The following GNAL variants were observed in gnomAD, a reference collection of about 807,000 sequenced individuals.
GNAL encodes the protein G protein subunit alpha L, also known as guanine nucleotide-binding protein G(olf) subunit alpha.
In GNAL, 18 loss-of-function variants were observed where a neutral mutation model predicts 55.1. The observed-to-expected ratio is 0.33, with a 90% confidence interval of 0.23 to 0.48. GNAL has a LOEUF of 0.48. GNAL is among the 20% of genes least tolerant of loss of function. GNAL has a pLI of 0.99. For missense variants in GNAL, 412 were observed against 614.1 expected, an observed-to-expected ratio of 0.67 and a Z score of 3.48; for synonymous variants, 253 against 237.0, an observed-to-expected ratio of 1.07 and a Z score of -0.62.
At chr18:11,707,647 C>T (rs2031744519) in intron 1 of GNAL, among the ~76,000 whole-genome samples, 1 of 152,194 alleles carries the variant, frequency 6.6e-6, no homozygotes, top group Non-Finnish European at 1.5e-5. Flanking sequence ...AGAAGTCAGC[C>T]TGTCCTTTGA....
At chr18:11,723,901 T>G (rs759339904) in intron 1 of GNAL, among the ~76,000 whole-genome samples, 2 of 152,060 alleles carry the variant, frequency 1.3e-5, no homozygotes, top group African/African-American at 4.8e-5. Flanking sequence ...AGAATTCCCT[T>G]CTCTTCTGAG....
At chr18:11,703,759 G>A (rs940989654) in intron 1 of GNAL, among the ~76,000 whole-genome samples, 1 of 151,354 alleles carries the variant, frequency 6.6e-6, no homozygotes, top group Non-Finnish European at 1.5e-5. Context: ...ACAATAATGA[G>A]CTTGGAACAG....
intron 4 of GNAL, among the ~76,000 whole-genome samples, chr18:11,815,207 A>G (rs1217300133): frequency 6.6e-6 from 1 of 152,210 alleles, no homozygotes; most frequent in East Asian, 1.9e-4. Context: ...TACTATGTAT[A>G]TACTCATTGA....
At chr18:11,876,297 C>T (rs1018648708) in intron 10 of GNAL, among the ~76,000 whole-genome samples, 1 of 152,146 alleles carries the variant, frequency 6.6e-6, no homozygotes, top group Non-Finnish European at 1.5e-5. Flanking sequence ...CATGGTGAAA[C>T]CCTGTCTCTA....
At chr18:11,702,992 C>T (rs1486315091) in intron 1 of GNAL, among the ~76,000 whole-genome samples, 3 of 152,040 alleles carry the variant, frequency 2.0e-5, no homozygotes, top group Non-Finnish European at 4.4e-5. Context: ...GTGGCACGAG[C>T]CTGTAATCCC....
rs1189725789 is a variant in GNAL at position 11,704,197 on chromosome 18, A to G, written c.376+14258A>G. Among the ~76,000 whole-genome samples the G allele has an allele frequency of 2.0e-5, 3 of 152,296 alleles. No homozygotes were observed. The East Asian group carries it at 5.8e-4, about 29-fold the overall frequency. On this transcript the variant is annotated intron_variant, in intron 1 of 11. Coordinates refer to ENST00000334049, the MANE Select transcript of GNAL (RefSeq NM_182978.4). Reference sequence around the variant, plus strand: ...ACAGCCTTCTGCACTCCCTGATCACACAGTGGGTCACACCCTAGACCCGTG... The same window carrying G: ...ACAGCCTTCTGCACTCCCTGATCACGCAGTGGGTCACACCCTAGACCCGTG...
intron 4 of GNAL, among the ~76,000 whole-genome samples, chr18:11,817,584 T>C (rs1284160132): frequency 6.6e-6 from 1 of 152,172 alleles, no homozygotes; most frequent in Non-Finnish European, 1.5e-5. Context: ...TGGCTTGTTT[T>C]CGTGTAGTTT....
intron 10 of GNAL, 27 bp downstream of exon 10, chr18:11,872,425 A>T: frequency 7.0e-7 from 1 of 1,428,052 alleles, no homozygotes. Context: ...CATTCTTATG[A>T]TTGAGGAATA....
chr18:11,752,587 G>T lies in GNAL; in HGVS notation c.377-266G>T, dbSNP rs746617531. On this transcript the variant is annotated intron_variant, in intron 1 of 11. Transcript: ENST00000334049. The surrounding 1 kb of genome is among the most constrained non-coding windows in gnomAD (Gnocchi z 4.5). ...CCGCCTGCTGCTCCTGGGTAAGGCC[G>T]AGGGGCGCGCGGCGGCTCCCGGCCC... 7.6e-6 allele frequency: 12 copies of T among 1,588,818 alleles called. No individual in the cohort carries two copies. The highest frequency in any genetic ancestry group is 1.0e-5 in the Non-Finnish European group (12 of 1,171,118).
rs190730908 is a variant in GNAL at position 11,775,518 on chromosome 18, G to A, written c.624+21573G>A. On this transcript the variant is annotated intron_variant, in intron 4 of 11. Coordinates refer to ENST00000334049, the MANE Select transcript of GNAL (RefSeq NM_182978.4). The stretch of plus-strand genomic sequence containing the variant: ...ATGTGCAGCAGGGCTGGGACTTGGC[G>A]CCAGGGCCTACACTCTGAGCCACAA... Among the ~76,000 whole-genome samples the A allele has an allele frequency of 3.3e-5, 5 of 152,306 alleles. No homozygotes were observed. The East Asian group carries it at 9.7e-4, about 29-fold the overall frequency.
chr18:11,852,691 A>G (rs916964680), intron 5 of GNAL: 1 of 165,668 alleles, frequency 6.0e-6, no homozygotes, highest in African/African-American at 2.4e-5. Flanking sequence ...ATGTGGTCCT[A>G]TAATTTATAC....
At chr18:11,758,710 C>T (rs2033143026) in intron 4 of GNAL, among the ~76,000 whole-genome samples, 1 of 152,188 alleles carries the variant, frequency 6.6e-6, no homozygotes, top group Non-Finnish European at 1.5e-5. Flanking sequence ...ACACCCAAAG[C>T]TTCAGGTTAT....
At chr18:11,778,212 T>C (rs2033836393) in intron 4 of GNAL, among the ~76,000 whole-genome samples, 1 of 152,318 alleles carries the variant, frequency 6.6e-6, no homozygotes, top group East Asian at 1.9e-4. Context: ...AGTTTTTCAT[T>C]TGACCACTAG....
At chr18:11,772,165 T>C (rs562011744) in intron 4 of GNAL, among the ~76,000 whole-genome samples, 30 of 152,302 alleles carry the variant, frequency 2.0e-4, no homozygotes, top group African/African-American at 6.5e-4. Flanking sequence ...TTTTATGGTA[T>C]GAATACAGTA....
intron 1 of GNAL, among the ~76,000 whole-genome samples, chr18:11,701,618 A>G (rs542280191): frequency 6.6e-6 from 1 of 151,450 alleles, no homozygotes; most frequent in South Asian, 2.1e-4. Context: ...GCAAACTATG[A>G]GCAGAAGCAG....
intron 5 of GNAL, among the ~76,000 whole-genome samples, chr18:11,826,627 G>T (rs2035254421): frequency 6.6e-6 from 1 of 152,284 alleles, no homozygotes; most frequent in South Asian, 2.1e-4. Flanking sequence ...GCAGGTGAGT[G>T]CTGGAAACTG....
At chr18:11,865,715 A>AT (rs2036248128) in intron 7 of GNAL, among the ~76,000 whole-genome samples, 1 of 141,584 alleles carries the variant, frequency 7.1e-6, no homozygotes, top group Non-Finnish European at 1.5e-5. Context: ...TGATTAGGCC[A>AT]TTTCACTCCA....
intron 4 of GNAL, among the ~76,000 whole-genome samples, chr18:11,782,323 A>AAAAAAG (rs374005690): frequency 6.6e-6 from 1 of 152,202 alleles, no homozygotes; most frequent in African/African-American, 2.4e-5. Flanking sequence ...TCTCAAAAGA[A>AAAAAAG]AAAAAGAAAA....
intron 10 of GNAL, 129 bp from the exon 11 acceptor site, chr18:11,876,492 C>T: frequency 3.0e-6 from 2 of 675,258 alleles, no homozygotes; most frequent in Non-Finnish European, 2.7e-6. Flanking sequence ...TTTGTTTTTG[C>T]CTTGCTGTAC....
Sources: allele counts gnomAD v4.1 joint callset (sites outside exome capture counted in the v4.1 genomes callset), GRCh38; gene constraint gnomAD v4.1.1; non-coding constraint Gnocchi (gnomAD v3.1); transcripts MANE v1.5; gene names NCBI Gene and HGNC (gene_info 2026-07-23, HGNC 2026-07-21).